Variants in CDK9 observed in about 807,000 individuals in gnomAD.
The protein encoded by CDK9 is cyclin-dependent kinase 9.
CDK9 carries 34 observed loss-of-function variants against 39.0 expected under a neutral mutation model. The ratio of observed to expected loss-of-function variants is 0.87; its 90% CI spans 0.66 to 1.16. CDK9 has a LOEUF of 1.16. Among genes scored for constraint, CDK9 ranks in the 50% most tolerant of loss-of-function variants. CDK9 has a pLI of 0.00. For missense variants in CDK9, 369 were observed against 503.2 expected, an observed-to-expected ratio of 0.73 and a Z score of 2.55; for synonymous variants, 233 against 196.2, an observed-to-expected ratio of 1.19 and a Z score of -1.57.
chr9:127,789,066 T>G lies in CDK9; in HGVS notation c.754-112T>G. ...TTCTGGGAGGGGTCGAGTAGCAGTC[T>G]GGGAGCCTCCGAGTGGAGCAGGTAT... On this transcript the variant is annotated intron_variant, in intron 6 of 6. Transcript: ENST00000373264. The surrounding 1 kb of genome is among the most constrained non-coding windows in gnomAD (Gnocchi z 5.2). 7.2e-7 allele frequency: 1 copy of G among 1,383,444 alleles called. No individual in the cohort carries two copies. Among genetic ancestry groups the G allele is most frequent in the East Asian group, 2.3e-5 (1 of 42,764 alleles). The allele number at this position is 1,383,444 out of a possible 1,614,324, so 85.7% of individuals were successfully genotyped here. A position where few individuals can be genotyped will look rare whatever the true frequency, so the allele number is the denominator to read the frequency against.
rs988782815 is a variant in CDK9, at chr9:127,786,717, A to G, written c.109A>G (p.Arg37Gly). The G allele has an allele frequency of 1.9e-6, 3 of 1,613,968 alleles. No homozygotes were observed. In the African/African-American group the frequency reaches 4.0e-5, roughly 22 times the overall value. The change falls in exon 2 of 7, where the codon AGG becomes GGG. Residue 37 changes from arginine (R) to glycine (G), a missense_variant. Transcript: ENST00000373264. The part of the protein sequence containing the change: ...QGTFGEVFKA[R>G]HRKTGQKVAL... ...CGCCTGCAGGGAGGTGTTCAAGGCC[A>G]GGCACCGCAAGACCGGCCAGAAGGT...
chr9:127,789,453 C>G lies in CDK9; in HGVS notation c.1029C>G (p.Arg343=). The change falls in exon 7 of 7, where the codon CGC becomes CGG. Residue 343 remains arginine (R), a synonymous_variant. Coordinates refer to ENST00000373264, the MANE Select transcript of CDK9 (RefSeq NM_001261.4). The surrounding 1 kb of genome is among the most constrained non-coding windows in gnomAD (Gnocchi z 5.2). The part of the protein sequence containing the change: ...TSMFEYLAPP[R]RKGSQITQQS... ...TGTTCGAGTACTTGGCACCACCGCGCCGGAAGGGCAGCCAGATCACCCAGC... is the reference window on the plus strand; with the variant it reads ...TGTTCGAGTACTTGGCACCACCGCGGCGGAAGGGCAGCCAGATCACCCAGC... 6 of 1,614,128 alleles carry G rather than the reference C, an allele frequency of 3.7e-6. No individual in the cohort carries two copies. Among genetic ancestry groups the G allele is most frequent in the Non-Finnish European group, 5.1e-6 (6 of 1,180,034 alleles).
In CDK9 at chr9:127,788,216, C is replaced by T. The variant is rs1412326548; in HGVS notation, c.435C>T (p.Ile145=). 7 of 1,613,946 alleles carry T rather than the reference C, an allele frequency of 4.3e-6. No individual in the cohort carries two copies. The highest frequency in any genetic ancestry group is 5.9e-6 in the Non-Finnish European group (7 of 1,179,980). The part of the protein sequence containing the change: ...NGLYYIHRNK[I]LHRDMKAANV... ...ACCCACTCTTGCCCTTCCTGCAGATCCTGCATAGGGACATGAAGGCTGCTA... is the reference window on the plus strand; with the variant it reads ...ACCCACTCTTGCCCTTCCTGCAGATTCTGCATAGGGACATGAAGGCTGCTA... Residue 145 remains isoleucine (I), a splice_region_variant and synonymous_variant, in exon 5 of 7, where the codon ATC becomes ATT. Coordinates refer to ENST00000373264, the MANE Select transcript of CDK9 (RefSeq NM_001261.4).
intron 3 of CDK9, 80 bp from the exon 4 acceptor site, chr9:127,787,867 C>T: frequency 6.8e-7 from 1 of 1,480,272 alleles, no homozygotes; most frequent in African/African-American, 1.4e-5. Flanking sequence ...TGGGTTGGAG[C>T]AGGAAGAAAG....
intron 2 of CDK9, 134 bp downstream of exon 2, chr9:127,786,916 T>C (rs1323494679): frequency 1.7e-5 from 12 of 692,498 alleles, no homozygotes; most frequent in Non-Finnish European, 2.2e-5. Flanking sequence ...TTCCAGGGAA[T>C]GTGGCTTCCA....
chr9:127,787,124 A>G (rs192286723), intron 2 of CDK9, among the ~76,000 whole-genome samples: 2 of 152,292 alleles, frequency 1.3e-5, no homozygotes, highest in East Asian at 3.9e-4. Flanking sequence ...CAATTATTTA[A>G]TGTATTTAAA....
intron 1 of CDK9, 27 bp from the exon 2 acceptor site, chr9:127,786,674 T>G (rs200589213): frequency 5.0e-6 from 8 of 1,591,554 alleles, no homozygotes; most frequent in Admixed American, 3.4e-5. Context: ...GCCTGATGAG[T>G]TCTCGGGTCT....
At chr9:127,787,848 G>T in intron 3 of CDK9, 99 bp from the exon 4 acceptor site, 1 of 1,261,584 alleles carries the variant, frequency 7.9e-7, no homozygotes, top group Non-Finnish European at 1.1e-6. Context: ...TGGAGGGCAT[G>T]GGTGCCCGTG....
At position 127,788,638 on chromosome 9, in the gene CDK9, G is replaced by A. The variant is rs143718708; in HGVS notation, c.699G>A (p.Thr233=). The A allele has an allele frequency of 0.01, 16,472 of 1,611,666 alleles. 142 individuals are homozygous for A. The highest frequency in any genetic ancestry group is 0.011 in the Non-Finnish European group (13,032 of 1,179,202). ...WTRSPIMQGN[T]EQHQLALISQ... The stretch of plus-strand genomic sequence containing the variant: ...GCAGCCCCATCATGCAGGGCAACAC[G>A]GAGCAGCACCAACTCGCCCTCATCA... The change falls in exon 6 of 7, where the codon ACG becomes ACA. Residue 233 remains threonine, a synonymous_variant. Transcript: ENST00000373264.
Position 127,789,702 on chromosome 9 carries a change from C to A in CDK9, c.*159C>A. 2 of 953,944 alleles carry A rather than the reference C, an allele frequency of 2.1e-6. No individual in the cohort carries two copies. Among genetic ancestry groups the A allele is most frequent in the Non-Finnish European group, 3.0e-6 (2 of 657,760 alleles). The allele number at this position is 953,944 out of a possible 1,614,324, so 59.1% of individuals were successfully genotyped here. A position where few individuals can be genotyped will look rare whatever the true frequency, so the allele number is the denominator to read the frequency against. On this transcript the variant is annotated 3_prime_UTR_variant, in exon 7 of 7. Coordinates refer to ENST00000373264, the MANE Select transcript of CDK9 (RefSeq NM_001261.4). The surrounding 1 kb of genome is among the most constrained non-coding windows in gnomAD (Gnocchi z 5.2). ...GCCCGCTGAGTGGACTGGAGTGGAG[C>A]ATTGGCTGAGAGACCAGGAGGGCAC...
chr9:127,788,681 A>T lies in CDK9; in HGVS notation c.742A>T (p.Ile248Phe). ...CCTCATCAGTCAGCTCTGCGGCTCC[A>T]TCACCCCTGAGGTACGGGGCCCCGG... ...LALISQLCGS[I>F]TPEVWPNVDN... The change falls in exon 6 of 7, where the codon ATC becomes TTC. Residue 248 changes from isoleucine (I) to phenylalanine (F), a missense_variant. Transcript: ENST00000373264. 1 of 1,604,826 alleles carries T rather than the reference A, an allele frequency of 6.2e-7. No individual in the cohort carries two copies. The highest frequency in any genetic ancestry group is 8.5e-7 in the Non-Finnish European group (1 of 1,175,528).
rs1470294733 is a variant in CDK9, at chr9:127,788,285, TGGG to T, written c.505_507del (p.Gly169del). ...ATGGGGTCCTGAAGCTGGCAGACTTTGGGCTGGCCCGGGCCTTCAGCCTGGCCA... is the reference window on the plus strand; with the variant it reads ...ATGGGGTCCTGAAGCTGGCAGACTTTCTGGCCCGGGCCTTCAGCCTGGCCA... On this transcript the variant is annotated inframe_deletion, in exon 5 of 7. Coordinates refer to ENST00000373264, the MANE Select transcript of CDK9 (RefSeq NM_001261.4). 1 of 1,613,624 alleles carries T rather than the reference TGGG, an allele frequency of 6.2e-7. No individual in the cohort carries two copies. The highest frequency in any genetic ancestry group is 8.5e-7 in the Non-Finnish European group (1 of 1,180,024).
chr9:127,788,553 A>T lies in CDK9; in HGVS notation c.614A>T (p.Asp205Val). The T allele has an allele frequency of 6.4e-7, 1 of 1,566,046 alleles. No individual in the cohort carries two copies. The highest frequency in any genetic ancestry group is 1.2e-5 in the South Asian group (1 of 85,418). The change falls in exon 6 of 7, where the codon GAC (aspartate) becomes GTC (valine). Residue 205 changes from aspartate (D) to valine (V), a missense_variant. By Grantham distance (152) the Asp-to-Val change is radical. Transcript: ENST00000373264. ...GCGCTCTTCTTCCCAGGGGAGCGGG[A>T]CTACGGCCCCCCCATTGACCTGTGG... The part of the protein sequence containing the change: ...RPPELLLGER[D>V]YGPPIDLWGA...
Position 127,789,771 on chromosome 9 carries a change from G to T in CDK9, c.*228G>T, listed in dbSNP as rs990865004. On this transcript the variant is annotated 3_prime_UTR_variant, in exon 7 of 7. Transcript: ENST00000373264. The surrounding 1 kb of genome is among the most constrained non-coding windows in gnomAD (Gnocchi z 5.2). The stretch of plus-strand genomic sequence containing the variant: ...GCTGGTTTTCTGGATGGTTCCCAGA[G>T]GGTTTCCATGGGGTAGGAGGATGGG... 19 of 591,938 alleles carry T rather than the reference G, an allele frequency of 3.2e-5. No individual in the cohort carries two copies. Among genetic ancestry groups the T allele is most frequent in the Non-Finnish European group, 8.7e-6 (3 of 342,882 alleles). The allele number at this position is 591,938 out of a possible 1,614,324, so 36.7% of individuals were successfully genotyped here.
In CDK9 at chr9:127,789,375, C is replaced by T. The variant is rs761765306; in HGVS notation, c.951C>T (p.Ser317=). 7 of 1,614,018 alleles carry T rather than the reference C, an allele frequency of 4.3e-6. No homozygotes were observed. Among genetic ancestry groups the T allele is most frequent in the South Asian group, 2.2e-5 (2 of 91,084 alleles). ...CCCTCAACCACGACTTCTTCTGGTC[C>T]GACCCCATGCCCTCCGACCTCAAGG... The part of the protein sequence containing the change: ...DDALNHDFFW[S]DPMPSDLKGM... The change falls in exon 7 of 7, where the codon TCC becomes TCT. Residue 317 remains serine, a synonymous_variant. Coordinates refer to ENST00000373264, the MANE Select transcript of CDK9 (RefSeq NM_001261.4). The surrounding 1 kb of genome is among the most constrained non-coding windows in gnomAD (Gnocchi z 5.2).
At chr9:127,786,338 C>T (rs1829317381) in intron 1 of CDK9, 98 bp downstream of exon 1, 5 of 1,021,304 alleles carry the variant, frequency 4.9e-6, no homozygotes, top group South Asian at 1.4e-5. Flanking sequence ...GAGAAGTCGT[C>T]TGTCCCCGGG....
At position 127,786,107 on chromosome 9, in the gene CDK9, G is replaced by T. The variant is rs777544420; in HGVS notation, c.-42G>T. 7 of 1,487,078 alleles carry T rather than the reference G, an allele frequency of 4.7e-6. No homozygotes were observed. The highest frequency in any genetic ancestry group is 1.4e-5 in the African/African-American group (1 of 69,270). 92.1% of individuals were successfully genotyped at this position (1,487,078 alleles called of 1,614,324 possible). A position where few individuals can be genotyped will look rare whatever the true frequency, so the allele number is the denominator to read the frequency against. ...GGCGGGACCCGGAGCAGGAGCGGCG[G>T]CAGCAGCGACTGGGGGCGGCGGCGG... On this transcript the variant is annotated 5_prime_UTR_variant, in exon 1 of 7. Coordinates refer to ENST00000373264, the MANE Select transcript of CDK9 (RefSeq NM_001261.4).
At chr9:127,786,313 C>CG in intron 1 of CDK9, 73 bp downstream of exon 1, 1 of 1,232,152 alleles carries the variant, frequency 8.1e-7, no homozygotes, top group East Asian at 2.5e-5. Flanking sequence ...TGCCCGGGCC[C>CG]CCCCCGAGTT....
chr9:127,786,378 A>G, intron 1 of CDK9, 138 bp downstream of exon 1: 1 of 756,562 alleles, frequency 1.3e-6, no homozygotes, highest in Non-Finnish European at 2.2e-6. Flanking sequence ...GCCGCGCCGC[A>G]CCCCGCCCCG....
Sources: gnomAD v4.1 joint callset for allele counts (sites outside exome capture counted in the v4.1 genomes callset) on GRCh38, gnomAD v4.1.1 for gene constraint, Gnocchi (gnomAD v3.1) non-coding constraint, MANE v1.5 for transcripts, NCBI Gene and HGNC (gene_info 2026-07-23, HGNC 2026-07-21) for gene names.